PCDH9: variants seen among roughly 807,000 people sequenced by gnomAD.
PCDH9 encodes protocadherin 9, also known as protocadherin-9.
In PCDH9, 24 loss-of-function variants were observed where a neutral mutation model predicts 70.6. The observed-to-expected ratio is 0.34, with a 90% CI of 0.25 to 0.48. PCDH9 has a LOEUF of 0.48. Ranked by LOEUF, PCDH9 falls within the 20% of genes least tolerant of loss-of-function variation. The pLI is 0.99. For missense variants in PCDH9, 1,281 were observed against 1,503.6 expected (o/e 0.85, Z 2.45); for synonymous variants, 562 against 558.5 (o/e 1.01, Z -0.09).
chr13:67,037,726 A>C (rs2085038028), intron 2 of PCDH9, among the ~76,000 whole-genome samples: 2 of 152,188 alleles, frequency 1.3e-5, no homozygotes, highest in Admixed American at 1.3e-4. Context: ...CTTTTCTGGC[A>C]CCAAGAGTAC....
At chr13:66,460,905 C>T (rs1295310502) in intron 4 of PCDH9, among the ~76,000 whole-genome samples, 2 of 151,838 alleles carry the variant, frequency 1.3e-5, no homozygotes, top group Admixed American at 1.3e-4. Context: ...CTGGTTGCTT[C>T]TTCATTTTAA....
intron 4 of PCDH9, among the ~76,000 whole-genome samples, chr13:66,623,324 A>G (rs2077454587): frequency 6.6e-6 from 1 of 152,244 alleles, no homozygotes; most frequent in East Asian, 1.9e-4. Flanking sequence ...GTCATGTACT[A>G]TGTTAAACCA....
chr13:66,507,524 T>C (rs568933798), intron 4 of PCDH9, among the ~76,000 whole-genome samples: 1 of 152,288 alleles, frequency 6.6e-6, no homozygotes, highest in Non-Finnish European at 1.5e-5. Flanking sequence ...GTTTATTGTT[T>C]GATTTTTTTG....
At chr13:66,960,028 G>A (rs1015460328) in intron 2 of PCDH9, among the ~76,000 whole-genome samples, 3 of 152,118 alleles carry the variant, frequency 2.0e-5, no homozygotes, top group East Asian at 3.9e-4. Flanking sequence ...ATTTTGACAC[G>A]AAGAAGAATA....
chr13:66,489,100 T>A (rs374589442), intron 4 of PCDH9, among the ~76,000 whole-genome samples: 2 of 152,196 alleles, frequency 1.3e-5, no homozygotes, highest in African/African-American at 4.8e-5. Context: ...ACAGAATTAA[T>A]ATATAGGTAG....
At chr13:67,076,448 C>G (rs2085879430) in intron 2 of PCDH9, among the ~76,000 whole-genome samples, 1 of 152,082 alleles carries the variant, frequency 6.6e-6, no homozygotes, top group Admixed American at 6.6e-5. Context: ...GAAAGGGCTA[C>G]TCAGCTAAAG....
chr13:66,622,191 A>G (rs2077431473), intron 4 of PCDH9, among the ~76,000 whole-genome samples: 1 of 152,226 alleles, frequency 6.6e-6, no homozygotes, highest in South Asian at 2.1e-4. Context: ...CCTGCGGGAC[A>G]GGGCTTGAGA....
Position 66,425,545 on chromosome 13 carries a change from T to C in PCDH9, c.3341-120517A>G, listed in dbSNP as rs551504597. Among the ~76,000 whole-genome samples, 4 of 150,570 alleles carry C rather than the reference T, an allele frequency of 2.7e-5. No individual in the cohort carries two copies. The East Asian group carries it at 5.9e-4, about 22-fold the overall frequency. The stretch of plus-strand genomic sequence containing the variant: ...ACTCCAGTAGTTGCAGAAGTTATCC[T>C]ACTTTCAGAAAACGAAAAAAAAAAA... On this transcript the variant is annotated intron_variant, in intron 4 of 4. Transcript: ENST00000377865.
chr13:67,148,192 C>A (rs1041952542), intron 2 of PCDH9, among the ~76,000 whole-genome samples: 1 of 142,034 alleles, frequency 7.0e-6, no homozygotes, highest in African/African-American at 2.6e-5. Context: ...GTTAAGGCTA[C>A]CTCCATGTCT....
In PCDH9 at chr13:66,707,082, A is replaced by G. The variant is rs115751141; in HGVS notation, c.3139-75671T>C. ...CCTTTAAAATTTTTTCTTTCAACAA[A>G]TATTTTCATTTTAGCACCTCTTACC... On this transcript the variant is annotated intron_variant, in intron 3 of 4. Coordinates refer to ENST00000377865, the MANE Select transcript of PCDH9 (RefSeq NM_203487.3). 2.1e-3 allele frequency among the ~76,000 whole-genome samples: 320 copies of G among 152,260 alleles called. 1 individual carries two copies. Among genetic ancestry groups the G allele is most frequent in the African/African-American group, 7.6e-3 (314 of 41,538 alleles).
chr13:66,533,846 T>G (rs577460977), intron 4 of PCDH9, among the ~76,000 whole-genome samples: 2 of 152,148 alleles, frequency 1.3e-5, no homozygotes, highest in Non-Finnish European at 2.9e-5. Context: ...CGCAAACATA[T>G]GGCCCACATT....
rs543893448 is a variant in PCDH9, at chr13:67,221,061, T to C, written c.3036+4344A>G. The C allele has an allele frequency of 2.0e-5, 3 of 152,178 alleles. No individual in the cohort carries two copies. The South Asian group carries it at 6.2e-4, about 32-fold the overall frequency. The allele number at this position is 152,178 out of a possible 1,614,324, so 9.4% of individuals were successfully genotyped here. ...CATAGGGCACTTAGCCAAAGAGCCA[T>C]AGAAATAAAAATCACAACCGATAAC... is the stretch of plus-strand genomic sequence containing the variant. On this transcript the variant is annotated intron_variant, in intron 2 of 4. Coordinates refer to ENST00000377865, the MANE Select transcript of PCDH9 (RefSeq NM_203487.3).
intron 3 of PCDH9, among the ~76,000 whole-genome samples, chr13:66,673,864 C>A (rs1057491702): frequency 1.3e-5 from 2 of 152,094 alleles, no homozygotes; most frequent in African/African-American, 4.8e-5. Context: ...TATTTAATAA[C>A]ATTTAATTCA....
At chr13:67,178,687 C>A (rs747727848) in intron 2 of PCDH9, among the ~76,000 whole-genome samples, 1 of 152,074 alleles carries the variant, frequency 6.6e-6, no homozygotes, top group Non-Finnish European at 1.5e-5. Flanking sequence ...TCCTGAATCA[C>A]CTTTCCCCTT....
intron 2 of PCDH9, among the ~76,000 whole-genome samples, chr13:67,065,197 A>G (rs956577142): frequency 5.3e-5 from 8 of 152,130 alleles, no homozygotes; most frequent in African/African-American, 1.9e-4. Context: ...CAAGCCCACT[A>G]AATGGTGACA....
At chr13:66,351,188 G>A (rs751086972) in intron 4 of PCDH9, among the ~76,000 whole-genome samples, 1 of 151,636 alleles carries the variant, frequency 6.6e-6, no homozygotes, top group Non-Finnish European at 1.5e-5. Flanking sequence ...CATAATTTAT[G>A]TATAAAAATT....
chr13:66,795,728 C>G (rs1286583614), intron 3 of PCDH9, among the ~76,000 whole-genome samples: 1 of 152,126 alleles, frequency 6.6e-6, no homozygotes, highest in Non-Finnish European at 1.5e-5. Flanking sequence ...GATGGTAAAA[C>G]ATGATAATGC....
At chr13:66,492,903 G>A (rs1244383907) in intron 4 of PCDH9, among the ~76,000 whole-genome samples, 1 of 152,162 alleles carries the variant, frequency 6.6e-6, no homozygotes, top group African/African-American at 2.4e-5. Flanking sequence ...TGAGCAAGCT[G>A]GAGCTAAGTG....
chr13:66,797,494 T>C (rs2080261952), intron 3 of PCDH9, among the ~76,000 whole-genome samples: 1 of 152,182 alleles, frequency 6.6e-6, no homozygotes, highest in Admixed American at 6.5e-5. Context: ...GTCCTAACCC[T>C]ATAATAACAA....
Sources: allele counts gnomAD v4.1 joint callset (sites outside exome capture counted in the v4.1 genomes callset), GRCh38; gene constraint gnomAD v4.1.1; transcripts MANE v1.5; gene names NCBI Gene and HGNC (gene_info 2026-07-23, HGNC 2026-07-21).